Variants in IFT74 observed in about 807,000 individuals in gnomAD.
IFT74 encodes intraflagellar transport 74.
Under a neutral mutation model 96.7 loss-of-function variants are expected in IFT74, and 92 were observed. The observed-to-expected ratio is 0.95, with a 90% confidence interval of 0.80 to 1.13. The LOEUF (loss-of-function observed/expected upper bound fraction) is 1.13, where lower values mean the gene tolerates loss of function less well. IFT74 is among the 50% of genes most tolerant of loss of function. IFT74 has a pLI of 0.00. For synonymous variants in IFT74, 223 were observed against 213.2 expected (o/e 1.05, Z -0.40); for missense variants, 811 against 698.2 (o/e 1.16, Z -1.82).
At chr9:26,986,935 T>C (rs1827665396) in intron 6 of IFT74, among the ~76,000 whole-genome samples, 1 of 152,244 alleles carries the variant, frequency 6.6e-6, no homozygotes, top group African/African-American at 2.4e-5. Flanking sequence ...CTTATAATTC[T>C]TAAATTTCCT....
intron 8 of IFT74, among the ~76,000 whole-genome samples, chr9:26,992,710 A>C (rs1302584374): frequency 6.6e-6 from 1 of 152,114 alleles, no homozygotes; most frequent in African/African-American, 2.4e-5. Context: ...AAAAAATAAC[A>C]AAAAGTATTG....
intron 19 of IFT74, among the ~76,000 whole-genome samples, chr9:27,062,318 A>G (rs1326069047): frequency 1.3e-5 from 2 of 152,202 alleles, no homozygotes; most frequent in Non-Finnish European, 2.9e-5. Flanking sequence ...GTGTTTGAAT[A>G]TAGGAACTAG....
At chr9:26,971,141 A>C (rs1587258724) in intron 2 of IFT74, among the ~76,000 whole-genome samples, 2 of 152,112 alleles carry the variant, frequency 1.3e-5, no homozygotes, top group Non-Finnish European at 2.9e-5. Context: ...TGAGAAGGAG[A>C]TAGTCTCTAC....
intron 2 of IFT74, among the ~76,000 whole-genome samples, chr9:26,963,208 G>A (rs978516255): frequency 6.6e-6 from 1 of 151,528 alleles, no homozygotes; most frequent in Non-Finnish European, 1.5e-5. Flanking sequence ...AATATGCGGT[G>A]TTTGGTTTTT....
intron 8 of IFT74, among the ~76,000 whole-genome samples, chr9:27,006,063 C>T (rs1828760144): frequency 6.6e-6 from 1 of 152,070 alleles, no homozygotes; most frequent in Non-Finnish European, 1.5e-5. Context: ...AGGCTGGTCT[C>T]AAACTCCTGA....
chr9:27,047,302 G>C lies in IFT74; in HGVS notation c.1137G>C (p.Lys379Asn). The C allele has an allele frequency of 6.2e-7, 1 of 1,612,864 alleles. No individual in the cohort carries two copies. Among genetic ancestry groups the C allele is most frequent in the South Asian group, 1.1e-5 (1 of 91,020 alleles). Residue 379 changes from lysine (K) to asparagine (N), a missense_variant, in exon 15 of 20, where the codon AAG becomes AAC. By Grantham distance (94) the Lys-to-Asn change is moderately conservative. Coordinates refer to ENST00000380062, the MANE Select transcript of IFT74 (RefSeq NM_025103.4). ...DTFIETFEET[K>N]NQELKRKAQI... ...TTATTGAGACTTTTGAGGAAACAAAGAATCAGGAACTGAAACGAAAGGCAC... is the reference window on the plus strand; with the variant it reads ...TTATTGAGACTTTTGAGGAAACAAACAATCAGGAACTGAAACGAAAGGCAC...
At chr9:26,996,729 A>G (rs956389331) in intron 8 of IFT74, among the ~76,000 whole-genome samples, 6 of 152,150 alleles carry the variant, frequency 3.9e-5, no homozygotes, top group African/African-American at 1.4e-4. Context: ...TATCTGTATT[A>G]GTGTAGATTT....
At chr9:26,985,588 T>C (rs188352558) in intron 6 of IFT74, among the ~76,000 whole-genome samples, 276 of 152,294 alleles carry the variant, frequency 1.8e-3, no homozygotes, top group African/African-American at 6.1e-3. Context: ...AAAGTATCCC[T>C]TTACTTTCTG....
intron 1 of IFT74, among the ~76,000 whole-genome samples, chr9:26,961,152 G>T (rs1258460414): frequency 6.7e-6 from 1 of 149,322 alleles, no homozygotes; most frequent in African/African-American, 2.5e-5. Context: ...GTGCAGTAGC[G>T]CAATCTCGGC....
intron 2 of IFT74, among the ~76,000 whole-genome samples, chr9:26,973,730 C>T (rs949546256): frequency 3.9e-5 from 6 of 152,096 alleles, no homozygotes; most frequent in African/African-American, 1.2e-4. Context: ...TCTCCTTCTC[C>T]TTTTACCCCA....
At chr9:27,052,962 C>T (rs1819998430) in intron 16 of IFT74, among the ~76,000 whole-genome samples, 1 of 152,016 alleles carries the variant, frequency 6.6e-6, no homozygotes, top group Admixed American at 6.5e-5. Flanking sequence ...CCCAGGGGTT[C>T]ACGCCATTCT....
intron 8 of IFT74, chr9:26,995,445 T>C (rs754861394): frequency 6.2e-6 from 5 of 804,400 alleles, no homozygotes; most frequent in Non-Finnish European, 7.8e-6. Flanking sequence ...TATTTTGTTA[T>C]GTCACATAGC....
Position 27,064,108 on chromosome 9 carries a change from A to G in IFT74, c.*1372A>G, listed in dbSNP as rs1293063812. Among the ~76,000 whole-genome samples the G allele has an allele frequency of 1.3e-5, 2 of 152,142 alleles. No individual in the cohort carries two copies. Among genetic ancestry groups the G allele is most frequent in the Non-Finnish European group, 2.9e-5 (2 of 67,968 alleles). On this transcript the variant is annotated 3_prime_UTR_variant, in exon 20 of 20. Coordinates refer to ENST00000380062, the MANE Select transcript of IFT74 (RefSeq NM_025103.4). ...GAATATATACTGTAAAGCATTTCCC[A>G]GAGATAGTTGTCCACAAAACCCTAA...
chr9:27,057,570 T>G (rs1820222844), intron 18 of IFT74, among the ~76,000 whole-genome samples: 1 of 152,088 alleles, frequency 6.6e-6, no homozygotes, highest in South Asian at 2.1e-4. Context: ...AAAAATTCCC[T>G]CTTTTGGCCA....
intron 14 of IFT74, among the ~76,000 whole-genome samples, 186 bp from the exon 15 acceptor site, chr9:27,047,088 C>T (rs1265050940): frequency 2.0e-5 from 3 of 152,218 alleles, no homozygotes; most frequent in Admixed American, 6.5e-5. Context: ...CAGGAGAATC[C>T]CTTGAACCCA....
In IFT74 at chr9:26,973,787, G is replaced by A. The variant is rs145372841; in HGVS notation, c.121-4341G>A. 1.4e-3 allele frequency among the ~76,000 whole-genome samples: 206 copies of A among 152,246 alleles called. 4 individuals carry two copies. The East Asian group carries it at 0.02, about 15-fold the overall frequency. The stretch of plus-strand genomic sequence containing the variant: ...GATTAGATGGAGTGAGACAAACAGA[G>A]GAGTGAGACACTCCTGAATCAATTA... On this transcript the variant is annotated intron_variant, in intron 2 of 19. Coordinates refer to ENST00000380062, the MANE Select transcript of IFT74 (RefSeq NM_025103.4).
intron 13 of IFT74, among the ~76,000 whole-genome samples, chr9:27,031,383 T>C (rs1830115207): frequency 6.6e-6 from 1 of 151,534 alleles, no homozygotes; most frequent in African/African-American, 2.4e-5. Flanking sequence ...AGGAGAATGG[T>C]GTGAACCCAG....
At chr9:27,038,278 T>G (rs1053450397) in intron 13 of IFT74, among the ~76,000 whole-genome samples, 4 of 152,198 alleles carry the variant, frequency 2.6e-5, no homozygotes, top group African/African-American at 7.2e-5. Flanking sequence ...TTTTGTTTTT[T>G]TTGAGTTAGA....
At chr9:27,031,975 G>C (rs1163872444) in intron 13 of IFT74, among the ~76,000 whole-genome samples, 1 of 152,036 alleles carries the variant, frequency 6.6e-6, no homozygotes, top group African/African-American at 2.4e-5. Flanking sequence ...GCCTCCTAAA[G>C]TGTGGGGATT....
Sources: allele counts gnomAD v4.1 joint callset (sites outside exome capture counted in the v4.1 genomes callset), GRCh38; gene constraint gnomAD v4.1.1; transcripts MANE v1.5; gene names NCBI Gene and HGNC (gene_info 2026-07-23, HGNC 2026-07-21).